Variants in IL1RAPL1 observed in about 807,000 individuals in gnomAD.
IL1RAPL1 encodes the protein interleukin 1 receptor accessory protein like 1, also known as interleukin-1 receptor accessory protein-like 1.
IL1RAPL1 carries 3 observed loss-of-function variants against 48.4 expected under a neutral mutation model. The observed-to-expected ratio is 0.06, with a 90% CI of 0.03 to 0.16. IL1RAPL1 has a LOEUF of 0.16. Among genes scored for constraint, IL1RAPL1 ranks in the 10% least tolerant of loss-of-function variants. The pLI is 1.00. For missense variants in IL1RAPL1, 349 were observed against 530.6 expected, an observed-to-expected ratio of 0.66 and a Z score of 3.36; for synonymous variants, 185 against 187.7, an observed-to-expected ratio of 0.99 and a Z score of 0.12.
At chrX:29,919,184 A>G (rs1227603514) in intron 7 of IL1RAPL1, among the ~76,000 whole-genome samples, 2 of 112,062 alleles carry the variant, frequency 1.8e-5, no homozygotes, top group Non-Finnish European at 3.8e-5. Context: ...TATGTACTAA[A>G]ACATTTTTCT....
At chrX:29,509,132 G>A (rs2340370) in intron 5 of IL1RAPL1, among the ~76,000 whole-genome samples, 48,247 of 110,526 alleles carry the variant, frequency 0.44, 7,659 homozygotes, top group East Asian at 0.69. Flanking sequence ...GTACCACACA[G>A]TGATGGTGGC....
chrX:29,474,627 G>A (rs182185842), intron 5 of IL1RAPL1, among the ~76,000 whole-genome samples: 40 of 111,832 alleles, frequency 3.6e-4, no homozygotes, highest in African/African-American at 1.2e-3. Flanking sequence ...CCTGTTTATC[G>A]CATGGTCAGA....
At chrX:29,384,947 T>C (rs1933755464) in intron 3 of IL1RAPL1, among the ~76,000 whole-genome samples, 1 of 112,200 alleles carries the variant, frequency 8.9e-6, no homozygotes, top group Non-Finnish European at 1.9e-5. Context: ...ATTAAGTCTT[T>C]TTGAAATGAT....
chrX:28,951,566 T>C (rs1473939876), intron 2 of IL1RAPL1, among the ~76,000 whole-genome samples: 1 of 111,230 alleles, frequency 9.0e-6, no homozygotes, highest in Non-Finnish European at 1.9e-5. Context: ...ACACATTTAT[T>C]CAAATTTGAT....
intron 2 of IL1RAPL1, among the ~76,000 whole-genome samples, chrX:29,046,047 C>T (rs1017603855): frequency 1.1e-4 from 11 of 103,714 alleles, no homozygotes; most frequent in Middle Eastern, 4.5e-3. Flanking sequence ...TCCTCCTCCT[C>T]CTCCTCCTTC....
At chrX:29,720,614 T>G (rs763524845) in intron 6 of IL1RAPL1, among the ~76,000 whole-genome samples, 73 of 108,771 alleles carry the variant, frequency 6.7e-4, no homozygotes, top group African/African-American at 2.4e-3. Flanking sequence ...GGGGTGGGGG[T>G]CTAGGGGAGG....
At position 29,012,003 on chromosome X, in the gene IL1RAPL1, A is replaced by G. The variant is rs1392712; in HGVS notation, c.82+222578A>G. Among the ~76,000 whole-genome samples the G allele has an allele frequency of 6.1e-4, 68 of 112,377 alleles. No homozygotes were observed. The South Asian group carries it at 0.021, about 35-fold the overall frequency. ...ATTGCACAGTGATAAATTGGAAACC[A>G]GAGAGACCGACATTATATAATATTT... is the stretch of plus-strand genomic sequence containing the variant. On this transcript the variant is annotated intron_variant, in intron 2 of 10. Transcript: ENST00000378993.
intron 2 of IL1RAPL1, among the ~76,000 whole-genome samples, chrX:28,859,510 G>A (rs932388564): frequency 5.4e-5 from 6 of 110,831 alleles, no homozygotes; most frequent in African/African-American, 2.0e-4. Context: ...TGCCTGCCTC[G>A]GCCTCCTAAA....
chrX:28,739,583 G>T (rs1455876427), intron 1 of IL1RAPL1, among the ~76,000 whole-genome samples: 1 of 111,712 alleles, frequency 9.0e-6, no homozygotes, highest in Admixed American at 9.5e-5. Flanking sequence ...CAATTCCATG[G>T]CTAATAGAGT....
intron 5 of IL1RAPL1, among the ~76,000 whole-genome samples, chrX:29,561,994 T>C (rs1180165976): frequency 3.6e-5 from 4 of 111,236 alleles, no homozygotes; most frequent in Non-Finnish European, 7.5e-5. Flanking sequence ...ACATTAGATA[T>C]GAATTCTTTT....
At chrX:29,230,722 A>G (rs1048725185) in intron 2 of IL1RAPL1, among the ~76,000 whole-genome samples, 1 of 110,069 alleles carries the variant, frequency 9.1e-6, no homozygotes, top group East Asian at 2.8e-4. Flanking sequence ...GAAGTGATTC[A>G]TAATAAATTG....
chrX:29,670,150 T>C (rs1490561461), intron 6 of IL1RAPL1, among the ~76,000 whole-genome samples: 1 of 111,604 alleles, frequency 9.0e-6, no homozygotes, highest in African/African-American at 3.2e-5. Context: ...GTCCTTGAAT[T>C]TGTAATAAGT....
intron 3 of IL1RAPL1, among the ~76,000 whole-genome samples, chrX:29,327,162 G>A (rs1327660910): frequency 2.7e-5 from 3 of 110,941 alleles, no homozygotes; most frequent in Non-Finnish European, 5.7e-5. Context: ...TATTTTAAGA[G>A]CTCTCTAGGT....
chrX:29,566,587 G>A (rs1922414933), intron 5 of IL1RAPL1, among the ~76,000 whole-genome samples: 1 of 111,540 alleles, frequency 9.0e-6, no homozygotes, highest in Admixed American at 9.5e-5. Context: ...AGGAGGTGAG[G>A]ATAGAAGAGA....
intron 6 of IL1RAPL1, among the ~76,000 whole-genome samples, chrX:29,738,454 T>C (rs1016860474): frequency 5.8e-5 from 6 of 102,581 alleles, no homozygotes; most frequent in Non-Finnish European, 8.0e-5. Context: ...TCTTTTCTTT[T>C]TTTTTTTTTT....
intron 5 of IL1RAPL1, among the ~76,000 whole-genome samples, chrX:29,474,040 C>T (rs1316240650): frequency 9.0e-6 from 1 of 111,638 alleles, no homozygotes; most frequent in African/African-American, 3.3e-5. Context: ...TGACTGCATC[C>T]TTTTGCTTGA....
intron 5 of IL1RAPL1, among the ~76,000 whole-genome samples, chrX:29,507,171 T>C (rs1324172322): frequency 2.8e-5 from 3 of 108,475 alleles, no homozygotes; most frequent in Non-Finnish European, 5.7e-5. Flanking sequence ...CCAGCTTAGC[T>C]CTGCATCACC....
At chrX:28,730,861 G>A (rs762177360) in intron 1 of IL1RAPL1, among the ~76,000 whole-genome samples, 3 of 111,669 alleles carry the variant, frequency 2.7e-5, no homozygotes, top group African/African-American at 6.5e-5. Context: ...CAAATAATTA[G>A]TGTCAATTAC....
At chrX:29,675,771 A>G (rs1055676194) in intron 6 of IL1RAPL1, among the ~76,000 whole-genome samples, 1 of 110,917 alleles carries the variant, frequency 9.0e-6, no homozygotes, top group East Asian at 2.9e-4. Flanking sequence ...TTGTATTTTT[A>G]GTAGAGACGG....
Sources: allele counts gnomAD v4.1 joint callset (sites outside exome capture counted in the v4.1 genomes callset), GRCh38; gene constraint gnomAD v4.1.1; transcripts MANE v1.5; gene names NCBI Gene and HGNC (gene_info 2026-07-23, HGNC 2026-07-21).